The following IL5 variants were observed in gnomAD, a reference collection of about 807,000 sequenced individuals.
IL5 encodes the protein interleukin 5.
In IL5, 12 loss-of-function variants were observed where a neutral mutation model predicts 16.3. The ratio of observed to expected loss-of-function variants is 0.74; its 90% confidence interval spans 0.47 to 1.20. The LOEUF (loss-of-function observed/expected upper bound fraction) is 1.20, where lower values mean the gene tolerates loss of function less well. IL5 is among the 50% of genes most tolerant of loss of function. The probability of loss-of-function intolerance (pLI) is 0.00; values close to 1 mark genes in which losing one functional copy is unlikely to be tolerated. For missense variants in IL5, 159 were observed against 153.9 expected, an observed-to-expected ratio of 1.03 and a Z score of -0.17; for synonymous variants, 54 against 56.6, an observed-to-expected ratio of 0.95 and a Z score of 0.21.
intron 1 of IL5, among the ~76,000 whole-genome samples, chr5:132,550,771 T>C (rs1299822270): frequency 1.3e-5 from 2 of 152,328 alleles, no homozygotes; most frequent in South Asian, 2.1e-4. Context: ...GTTTTGCTAA[T>C]GGAGAGCGAA....
At chr5:132,546,096 C>A (rs977531006), upstream of IL5, among the ~76,000 whole-genome samples, 2 of 152,084 alleles carry the variant, frequency 1.3e-5, no homozygotes, top group African/African-American at 4.8e-5. Flanking sequence ...TATTGGAAGG[C>A]TAGTTATAAA....
intron 2 of IL5, 149 bp downstream of exon 2, chr5:132,542,945 A>G (rs1268070846): frequency 1.6e-6 from 1 of 628,200 alleles, no homozygotes; most frequent in Admixed American, 3.0e-5. Flanking sequence ...GTCATTCCTC[A>G]TATTTATAAG....
intron 1 of IL5, among the ~76,000 whole-genome samples, chr5:132,551,387 A>G (rs530382524): frequency 6.6e-6 from 1 of 152,248 alleles, no homozygotes; most frequent in Non-Finnish European, 1.5e-5. Context: ...AACATTCACG[A>G]GAAAACAATA....
At chr5:132,555,380 T>C (rs1384664451) in intron 1 of IL5, among the ~76,000 whole-genome samples, 1 of 152,194 alleles carries the variant, frequency 6.6e-6, no homozygotes, top group East Asian at 1.9e-4. Flanking sequence ...TTGTCAGGGT[T>C]TGGAGGATGT....
At chr5:132,551,598 C>G (rs1335638821) in intron 1 of IL5, among the ~76,000 whole-genome samples, 2 of 152,098 alleles carry the variant, frequency 1.3e-5, no homozygotes, top group African/African-American at 4.8e-5. Flanking sequence ...GCATCCTGTT[C>G]AGGGTTGGTG....
At chr5:132,553,959 AAAAAG>A in intron 1 of IL5, among the ~76,000 whole-genome samples, 1 of 150,694 alleles carries the variant, frequency 6.6e-6, no homozygotes, top group South Asian at 2.1e-4. Context: ...AAAAAAAAAA[AAAAAG>A]GTCTTGGTGG....
upstream of IL5, among the ~76,000 whole-genome samples, chr5:132,547,342 A>G (rs1339151351): frequency 6.6e-6 from 1 of 152,236 alleles, no homozygotes; most frequent in Non-Finnish European, 1.5e-5. Context: ...TGTGATAAGA[A>G]AGGAACTTTA....
rs1286412670 is a variant in IL5 at position 132,541,581 on chromosome 5, G to A, written c.*230C>T. On this transcript the variant is annotated 3_prime_UTR_variant, in exon 4 of 4. Coordinates refer to ENST00000231454, the MANE Select transcript of IL5 (RefSeq NM_000879.3). ...GAATGTTAAGTTAAATAAGAAAAAA[G>A]TATATCAATTTTGCCTGGAGGAAAA... 2.4e-6 allele frequency: 1 copy of A among 421,990 alleles called. No individual in the cohort carries two copies. Among genetic ancestry groups the A allele is most frequent in the Non-Finnish European group, 4.2e-6 (1 of 239,344 alleles). The allele number at this position is 421,990 out of a possible 1,614,324, so 26.1% of individuals were successfully genotyped here.
At position 132,543,506 on chromosome 5, in the gene IL5, T is replaced by G. The variant is rs201716415; in HGVS notation, c.-28A>C. The G allele has an allele frequency of 4.3e-6, 7 of 1,610,390 alleles. No individual in the cohort carries two copies. The highest frequency in any genetic ancestry group is 5.9e-6 in the Non-Finnish European group (7 of 1,178,532). On this transcript the variant is annotated 5_prime_UTR_variant, in exon 1 of 4. Coordinates refer to ENST00000231454, the MANE Select transcript of IL5 (RefSeq NM_000879.3). ...CTCTGAAACGTTCTGCGTTTGCCTT[T>G]GGCAAAGAAAGTGCATAGTACAAGA...
At chr5:132,552,071 C>T (rs1717375683) in intron 1 of IL5, among the ~76,000 whole-genome samples, 1 of 152,142 alleles carries the variant, frequency 6.6e-6, no homozygotes, top group Non-Finnish European at 1.5e-5. Flanking sequence ...GAGATCGAGA[C>T]CATCCTGGCC....
rs928354313 is a variant in IL5 at position 132,552,397 on chromosome 5, T to A, written c.42+4277A>T. 2.6e-5 allele frequency among the ~76,000 whole-genome samples: 4 copies of A among 152,338 alleles called. No individual in the cohort carries two copies. In the East Asian group the frequency reaches 7.7e-4, roughly 29 times the overall value. The stretch of plus-strand genomic sequence containing the variant: ...TTTTAGCACCAGTGAAACTAAATAT[T>A]TTTTGGAAGTAGTAGTTTACTAAGA... On this transcript the variant is annotated intron_variant, in intron 1 of 2. Coordinates refer to the IL5 transcript ENST00000450655.
At chr5:132,553,922 G>C (rs753727553) in intron 1 of IL5, among the ~76,000 whole-genome samples, 4 of 103,462 alleles carry the variant, frequency 3.9e-5, no homozygotes, top group East Asian at 2.9e-4. Flanking sequence ...CTGGGCAACA[G>C]AGAGAGACTC....
chr5:132,549,352 C>A (rs1337864637), intron 1 of IL5, among the ~76,000 whole-genome samples: 2 of 152,196 alleles, frequency 1.3e-5, no homozygotes, highest in Non-Finnish European at 2.9e-5. Context: ...CCGTGCCCGG[C>A]CTCAAGGAGT....
At chr5:132,546,567 G>A (rs1352581803), upstream of IL5, among the ~76,000 whole-genome samples, 1 of 152,152 alleles carries the variant, frequency 6.6e-6, no homozygotes, top group Non-Finnish European at 1.5e-5. Context: ...CACCAATGTT[G>A]CTTCCATCCT....
At chr5:132,554,329 T>A (rs1749936418) in intron 1 of IL5, among the ~76,000 whole-genome samples, 1 of 135,860 alleles carries the variant, frequency 7.4e-6, no homozygotes, top group Non-Finnish European at 1.5e-5. Context: ...ATCGCACCAT[T>A]GCACTCCAGT....
At chr5:132,547,810 C>G (rs1262374630), upstream of IL5, among the ~76,000 whole-genome samples, 1 of 152,150 alleles carries the variant, frequency 6.6e-6, no homozygotes, top group South Asian at 2.1e-4. Context: ...TGGGTCAGGT[C>G]TGTAACCCCA....
intron 1 of IL5, among the ~76,000 whole-genome samples, chr5:132,553,214 G>C (rs1306408691): frequency 6.6e-6 from 1 of 152,136 alleles, no homozygotes; most frequent in Admixed American, 6.6e-5. Flanking sequence ...CTGAGAGCCT[G>C]TGCCAGTGTC....
In IL5 at chr5:132,542,013, A is replaced by C. The variant is rs1460642008; in HGVS notation, c.306+2T>G. On this transcript the variant is annotated splice_donor_variant, in intron 3 of 3. Transcript: ENST00000231454. LOFTEE classifies it high-confidence loss of function. ...AGCTTCCATTGAATGTGTGTAACTT[A>C]CTTTTTGGCCGTCAATGTATTTCTT... 7 of 1,613,776 alleles carry C rather than the reference A, an allele frequency of 4.3e-6. No individual in the cohort carries two copies. The highest frequency in any genetic ancestry group is 5.9e-6 in the Non-Finnish European group (7 of 1,179,916).
upstream of IL5, among the ~76,000 whole-genome samples, chr5:132,546,118 A>C (rs1376553488): frequency 6.6e-6 from 1 of 152,190 alleles, no homozygotes; most frequent in African/African-American, 2.4e-5. Flanking sequence ...AATACTTCTT[A>C]TTCAAAATTG....
Sources: allele counts gnomAD v4.1 joint callset (sites outside exome capture counted in the v4.1 genomes callset), GRCh38; gene constraint gnomAD v4.1.1; transcripts MANE v1.5; gene names NCBI Gene and HGNC (gene_info 2026-07-23, HGNC 2026-07-21).